ARHGEF18: variants seen among roughly 807,000 people sequenced by gnomAD.
The protein encoded by ARHGEF18 is rho guanine nucleotide exchange factor 18.
Under a neutral mutation model 155.7 loss-of-function variants are expected in ARHGEF18, and 93 were observed. The observed-to-expected ratio is 0.60, with a 90% CI of 0.50 to 0.71. ARHGEF18 has a LOEUF of 0.71. Ranked by LOEUF, ARHGEF18 falls within the 30% of genes least tolerant of loss-of-function variation. ARHGEF18 has a pLI of 0.00. For missense variants in ARHGEF18, 1,593 were observed against 1,816.1 expected (o/e 0.88, Z 2.23); for synonymous variants, 742 against 753.1 (o/e 0.99, Z 0.24).
At chr19:7,375,420 GAAGA>G (rs1446673052) in intron 3 of ARHGEF18, among the ~76,000 whole-genome samples, 1 of 151,208 alleles carries the variant, frequency 6.6e-6, no homozygotes, top group Admixed American at 6.6e-5. Flanking sequence ...GAAAAGGAAG[GAAGA>G]AAGGAAGGAA....
At chr19:7,381,718 T>TAAATAA (rs1341258789) in intron 8 of ARHGEF18, among the ~76,000 whole-genome samples, 15 of 150,426 alleles carry the variant, frequency 1.0e-4, no homozygotes, top group Middle Eastern at 3.4e-3. Flanking sequence ...AATAAATAAA[T>TAAATAA]AAATAAAAAT....
the ARHGEF18 span, among the ~76,000 whole-genome samples, chr19:7,479,140 T>C: frequency 6.6e-6 from 1 of 152,270 alleles, no homozygotes; most frequent in Admixed American, 6.5e-5. Flanking sequence ...GGGAGCCTCC[T>C]GGGGGGCTAG....
At position 7,372,486 on chromosome 19, in the gene ARHGEF18, A is replaced by G. The variant is rs375477338; in HGVS notation, c.16-326A>G. 6.0e-4 allele frequency among the ~76,000 whole-genome samples: 92 copies of G among 152,192 alleles called. 1 individual carries two copies. The East Asian group carries it at 6.6e-3, about 11-fold the overall frequency. ...AAACTGTACCAAAAAGAAAAAAAAAAAGAGAGAGAGATAATCAGATGGAAA... is the reference window on the plus strand; with the variant it reads ...AAACTGTACCAAAAAGAAAAAAAAAGAGAGAGAGAGATAATCAGATGGAAA... On this transcript the variant is annotated intron_variant, in intron 2 of 28. Transcript: ENST00000668164.
chr19:7,398,217 G>T (rs914325105), intron 10 of ARHGEF18, among the ~76,000 whole-genome samples: 2 of 151,960 alleles, frequency 1.3e-5, no homozygotes, highest in Admixed American at 1.3e-4. Context: ...TTACAGGTGT[G>T]TGCCACCACG....
chr19:7,364,519 C>G (rs1437336014), intron 2 of ARHGEF18, among the ~76,000 whole-genome samples: 1 of 152,138 alleles, frequency 6.6e-6, no homozygotes, highest in Admixed American at 6.6e-5. Flanking sequence ...CGTCCATACC[C>G]TCTGCTCTCA....
chr19:7,415,059 G>A (rs1039114541), intron 10 of ARHGEF18, among the ~76,000 whole-genome samples: 2 of 152,016 alleles, frequency 1.3e-5, no homozygotes, highest in Non-Finnish European at 2.9e-5. Flanking sequence ...TGATACAACT[G>A]TGTTCTCCCC....
intron 19 of ARHGEF18, among the ~76,000 whole-genome samples, chr19:7,459,282 C>A (rs1170791718): frequency 6.6e-6 from 1 of 152,106 alleles, no homozygotes; most frequent in Non-Finnish European, 1.5e-5. Flanking sequence ...AGTGCGCTGG[C>A]ACAATCATAG....
chr19:7,477,333 G>A, downstream of ARHGEF18: 1 of 1,560,558 alleles, frequency 6.4e-7, no homozygotes. Flanking sequence ...CCCCGGGGCA[G>A]CCAGTGCACG....
chr19:7,449,914 G>A (rs1026416404), intron 15 of ARHGEF18, among the ~76,000 whole-genome samples: 2 of 152,146 alleles, frequency 1.3e-5, no homozygotes, highest in Admixed American at 6.5e-5. Context: ...CTGGTCTCAA[G>A]CATTCCTTCC....
chr19:7,445,295 T>C (rs1974917971), intron 14 of ARHGEF18, among the ~76,000 whole-genome samples: 1 of 151,738 alleles, frequency 6.6e-6, no homozygotes, highest in South Asian at 2.1e-4. Context: ...AACATGAAAA[T>C]AAATTAGCCA....
chr19:7,474,081 G>A (rs1977155845), downstream of ARHGEF18, among the ~76,000 whole-genome samples: 1 of 151,982 alleles, frequency 6.6e-6, no homozygotes, highest in Non-Finnish European at 1.5e-5. Context: ...GCTCACGCCT[G>A]TAATCCCAGC....
At chr19:7,420,728 G>A (rs1251714236) in intron 10 of ARHGEF18, among the ~76,000 whole-genome samples, 1 of 152,176 alleles carries the variant, frequency 6.6e-6, no homozygotes, top group Non-Finnish European at 1.5e-5. Context: ...ACACAGCCCT[G>A]GGAACAAACA....
Position 7,367,758 on chromosome 19 carries a change from A to AAAATATAT in ARHGEF18, c.15+4854_15+4855insAATATATA, listed in dbSNP as rs377535487. Among the ~76,000 whole-genome samples, 121 of 74,060 alleles carry AAAATATAT rather than the reference A, an allele frequency of 1.6e-3. 25 individuals carry two copies. Among genetic ancestry groups the AAAATATAT allele is most frequent in the Admixed American group, 2.2e-3 (14 of 6,304 alleles). 48.6% of individuals were successfully genotyped at this position (74,060 alleles called of 152,430 possible). A position where few individuals can be genotyped will look rare whatever the true frequency, so the allele number is the denominator to read the frequency against. On this transcript the variant is annotated intron_variant, in intron 2 of 28. Coordinates refer to ENST00000668164, the MANE Select transcript of ARHGEF18 (RefSeq NM_001367823.1). ...TGAAACTCCATCTCAAAAAAAAAAAAATATATATATATATACACATATATA... is the reference window on the plus strand; with the variant it reads ...TGAAACTCCATCTCAAAAAAAAAAAAAAATATATATATATATATATATACACATATATA...
chr19:7,459,729 G>A (rs1445207440), intron 19 of ARHGEF18, among the ~76,000 whole-genome samples, 174 bp from the exon 20 acceptor site: 1 of 152,222 alleles, frequency 6.6e-6, no homozygotes, highest in African/African-American at 2.4e-5. Flanking sequence ...TTTGGGGCGG[G>A]ATGAATGTCA....
chr19:7,375,395 GAAGAAAGGAAGGAAGAAAAGGAAGGAAGA>G (rs1970409492), intron 3 of ARHGEF18, among the ~76,000 whole-genome samples: 1 of 149,262 alleles, frequency 6.7e-6, no homozygotes, highest in African/African-American at 2.5e-5. Flanking sequence ...AGGAAGGAAG[GAAGAAAGGAAGGAAGAAAAGGAAGGAAGA>G]AAGGAAGGAA....
In ARHGEF18 at chr19:7,391,575, T is replaced by A. The variant is rs141323628; in HGVS notation, c.967+8372T>A. On this transcript the variant is annotated intron_variant, in intron 10 of 28. Transcript: ENST00000668164. ...ATACACATACGCTGTGCCTTGCTCA[T>A]CCAGCGCTGTTCCTGGAACTCCCTC... Among the ~76,000 whole-genome samples the A allele has an allele frequency of 3.5e-3, 528 of 152,220 alleles. 2 individuals carry two copies. Among genetic ancestry groups the A allele is most frequent in the African/African-American group, 0.012 (503 of 41,556 alleles).
chr19:7,473,292 T>C, downstream of ARHGEF18: 1 of 456,166 alleles, frequency 2.2e-6, no homozygotes, highest in African/African-American at 2.0e-5. Flanking sequence ...AAAAGGGAAC[T>C]CTCAGGCAGC....
rs767491371 is a variant in ARHGEF18 at position 7,467,831 on chromosome 19, C to T, written c.3480+147C>T. On this transcript the variant is annotated intron_variant, in intron 26 of 28. Coordinates refer to ENST00000668164, the MANE Select transcript of ARHGEF18 (RefSeq NM_001367823.1). ...GCACAAGATACCCTTGCATTAACAG[C>T]TCATGCCGCAGTACAGACCTTTCTC... 2.4e-4 allele frequency: 192 copies of T among 797,352 alleles called. 1 individual carries two copies. The highest frequency in any genetic ancestry group is 6.7e-5 in the Non-Finnish European group (37 of 548,730). 49.4% of individuals were successfully genotyped at this position (797,352 alleles called of 1,614,324 possible). A position where few individuals can be genotyped will look rare whatever the true frequency, so the allele number is the denominator to read the frequency against.
At chr19:7,407,737 C>T (rs1281487227) in intron 10 of ARHGEF18, among the ~76,000 whole-genome samples, 2 of 151,932 alleles carry the variant, frequency 1.3e-5, no homozygotes, top group South Asian at 2.1e-4. Flanking sequence ...CCGAGACGGG[C>T]GGATCACGAG....
Sources: gnomAD v4.1 joint callset for allele counts (sites outside exome capture counted in the v4.1 genomes callset) on GRCh38, gnomAD v4.1.1 for gene constraint, MANE v1.5 for transcripts, NCBI Gene and HGNC (gene_info 2026-07-23, HGNC 2026-07-21) for gene names.